Variants in RGS5 observed in about 807,000 individuals in gnomAD.
The protein encoded by RGS5 is regulator of G-protein signalling 5.
In RGS5, 20 loss-of-function variants were observed where a neutral mutation model predicts 18.9. The observed-to-expected ratio is 1.06, with a 90% CI of 0.74 to 1.54. The LOEUF (loss-of-function observed/expected upper bound fraction) is 1.54, where lower values mean the gene tolerates loss of function less well. RGS5 is among the 40% of genes most tolerant of loss of function. RGS5 has a pLI of 0.00. For synonymous variants in RGS5, 57 were observed against 76.2 expected, an observed-to-expected ratio of 0.75 and a Z score of 1.31; for missense variants, 201 against 211.8, an observed-to-expected ratio of 0.95 and a Z score of 0.32.
Position 163,262,412 on chromosome 1 carries a change from G to GT in RGS5, c.-281+43820dup, listed in dbSNP as rs531266278. 6.2e-3 allele frequency among the ~76,000 whole-genome samples: 474 copies of GT among 76,738 alleles called. 10 individuals are homozygous for GT. The highest frequency in any genetic ancestry group is 8.6e-3 in the Non-Finnish European group (322 of 37,280). The allele number at this position is 76,738 out of a possible 152,430, so 50.3% of individuals were successfully genotyped here. A position where few individuals can be genotyped will look rare whatever the true frequency, so the allele number is the denominator to read the frequency against. ...TATGAGTGAGAATATGCGGTGTTTG[G>GT]TTTTTTGTTCTTGCAATAGTTTACT... On this transcript the variant is annotated intron_variant, in intron 2 of 5. Transcript: ENST00000618415.
intron 2 of RGS5, among the ~76,000 whole-genome samples, chr1:163,239,480 C>T (rs549970744): frequency 1.1e-3 from 160 of 145,154 alleles, no homozygotes; most frequent in Non-Finnish European, 2.0e-3. Flanking sequence ...AGCAAGAATC[C>T]GTCTCTTAAA....
At chr1:163,306,176 C>T (rs2101645746) in intron 2 of RGS5, 1 of 152,284 alleles carries the variant, frequency 6.6e-6, no homozygotes, top group East Asian at 1.9e-4. Flanking sequence ...TTCACAAACA[C>T]TGTCAGTCCT....
chr1:163,213,010 G>A (rs1660140545), intron 1 of RGS5: 1 of 152,048 alleles, frequency 6.6e-6, no homozygotes, highest in Non-Finnish European at 1.5e-5. Context: ...AAATTGAACT[G>A]TAGCTCACAC....
chr1:163,300,084 G>A (rs1349304464), intron 2 of RGS5, among the ~76,000 whole-genome samples: 1 of 152,212 alleles, frequency 6.6e-6, no homozygotes, highest in African/African-American at 2.4e-5. Flanking sequence ...GAGGTAAACA[G>A]TGAAATTATC....
rs3065035 is a variant in RGS5, at chr1:163,147,918, C to CTTTTTTTTCTTTTTTTTTTTTTTTT, written c.385-416_385-415insAAAAAAAAAAAAAAAAGAAAAAAAA. 5.1e-3 allele frequency among the ~76,000 whole-genome samples: 395 copies of CTTTTTTTTCTTTTTTTTTTTTTTTT among 78,042 alleles called. 2 individuals are homozygous for CTTTTTTTTCTTTTTTTTTTTTTTTT. The highest frequency in any genetic ancestry group is 6.1e-3 in the Non-Finnish European group (275 of 45,150). The allele number at this position is 78,042 out of a possible 152,430, so 51.2% of individuals were successfully genotyped here. On this transcript the variant is annotated intron_variant, in intron 4 of 4. Coordinates refer to ENST00000313961, the MANE Select transcript of RGS5 (RefSeq NM_003617.4). ...GGTGTCCTGGTGCTTTTTTCTTTTT[C>CTTTTTTTTCTTTTTTTTTTTTTTTT]TTTTTTTTTTTTTTTTTTTTTTGTT...
At chr1:163,277,490 A>AG (rs1648886578) in intron 2 of RGS5, among the ~76,000 whole-genome samples, 1 of 152,220 alleles carries the variant, frequency 6.6e-6, no homozygotes, top group South Asian at 2.1e-4. Context: ...TTTAAAATGT[A>AG]GGACATACAG....
At chr1:163,175,250 G>A (rs1023644828) in intron 1 of RGS5, among the ~76,000 whole-genome samples, 4 of 152,208 alleles carry the variant, frequency 2.6e-5, no homozygotes, top group Non-Finnish European at 4.4e-5. Context: ...CCGTGCAGCT[G>A]AGAACTAATC....
rs115082910 is a variant in RGS5 at position 163,188,190 on chromosome 1, G to A, written c.44+14602C>T. Among the ~76,000 whole-genome samples, 1,474 of 152,224 alleles carry A rather than the reference G, an allele frequency of 9.7e-3. 17 individuals are homozygous for A. Among genetic ancestry groups the A allele is most frequent in the Non-Finnish European group, 0.015 (996 of 68,008 alleles). ...AATGATGGTAGATCTGACTCCTGAG[G>A]AGCTAGTTCATTGGATATGTAAGGA... On this transcript the variant is annotated intron_variant, in intron 1 of 4. Transcript: ENST00000313961.
intron 2 of RGS5, chr1:163,304,770 G>C (rs1307116057): frequency 6.6e-6 from 1 of 152,202 alleles, no homozygotes; most frequent in Non-Finnish European, 1.5e-5. Context: ...ATGTTTAATA[G>C]TCAATACAAT....
At chr1:163,276,183 G>A (rs1190471334) in intron 2 of RGS5, among the ~76,000 whole-genome samples, 1 of 151,814 alleles carries the variant, frequency 6.6e-6, no homozygotes, top group Admixed American at 6.6e-5. Flanking sequence ...TAGTAAAGAC[G>A]GGGTTTCTCC....
chr1:163,151,638 T>G (rs1245038406), intron 4 of RGS5, among the ~76,000 whole-genome samples: 1 of 152,218 alleles, frequency 6.6e-6, no homozygotes, highest in Non-Finnish European at 1.5e-5. Flanking sequence ...GCTTCCCCCT[T>G]CACTCCACTT....
In RGS5 at chr1:163,275,237, G is replaced by A. The variant is rs1204048425; in HGVS notation, c.-281+30996C>T. On this transcript the variant is annotated intron_variant, in intron 2 of 5. Coordinates refer to the RGS5 transcript ENST00000618415. ...CTCTGTATTCTACGGATGTATGGTA[G>A]GCTTGAGCCCATTCCAGTCCCTGCT... 2.0e-5 allele frequency among the ~76,000 whole-genome samples: 3 copies of A among 152,118 alleles called. No individual in the cohort carries two copies. In the East Asian group the frequency reaches 5.8e-4, roughly 29 times the overall value.
intron 2 of RGS5, among the ~76,000 whole-genome samples, chr1:163,239,440 T>C (rs1052507873): frequency 1.3e-5 from 2 of 150,658 alleles, no homozygotes; most frequent in African/African-American, 4.9e-5. Context: ...GAGCCAAGAT[T>C]GCACCACTGC....
intron 2 of RGS5, among the ~76,000 whole-genome samples, chr1:163,222,772 C>T (rs538635185): frequency 2.7e-4 from 41 of 152,254 alleles, no homozygotes; most frequent in African/African-American, 9.4e-4. Flanking sequence ...GTTGAGATGA[C>T]CGAAGTCAGG....
chr1:163,236,179 C>T (rs1647617480), intron 2 of RGS5, among the ~76,000 whole-genome samples: 1 of 152,014 alleles, frequency 6.6e-6, no homozygotes, highest in Non-Finnish European at 1.5e-5. Context: ...CCTCTTTCGT[C>T]TCATATGTTA....
intron 2 of RGS5, chr1:163,305,377 C>T (rs1649668381): frequency 6.6e-6 from 1 of 152,526 alleles, no homozygotes. Context: ...AGCTCTCCAT[C>T]CCTGCTGCAA....
At chr1:163,263,170 A>G (rs781272586) in intron 2 of RGS5, among the ~76,000 whole-genome samples, 2 of 152,138 alleles carry the variant, frequency 1.3e-5, no homozygotes, top group African/African-American at 4.8e-5. Flanking sequence ...ATCTTCTGTA[A>G]TTTCTGCAAT....
intron 1 of RGS5, chr1:163,217,395 T>A: frequency 1.0e-6 from 1 of 956,332 alleles, no homozygotes; most frequent in South Asian, 2.5e-5. Context: ...TTTCCTCCCA[T>A]CAAAGAGAAG....
At chr1:163,202,212 C>T (rs1289396974) in intron 1 of RGS5, among the ~76,000 whole-genome samples, 1 of 152,158 alleles carries the variant, frequency 6.6e-6, no homozygotes, top group African/African-American at 2.4e-5. Context: ...TTCCTCACTG[C>T]AAACTTGCCT....
Sources: gnomAD v4.1 joint callset for allele counts (sites outside exome capture counted in the v4.1 genomes callset) on GRCh38, gnomAD v4.1.1 for gene constraint, MANE v1.5 for transcripts, NCBI Gene and HGNC (gene_info 2026-07-23, HGNC 2026-07-21) for gene names.